The following UMAD1 variants were observed in gnomAD, a reference collection of about 807,000 sequenced individuals.
UMAD1 encodes UBAP1-MVB12-associated (UMA) domain containing 1.
UMAD1 carries 8 observed loss-of-function variants against 6.1 expected under a neutral mutation model. The ratio of observed to expected loss-of-function variants is 1.30; its 90% CI spans 0.76 to 2.35. The LOEUF is 2.35. Ranked by LOEUF, UMAD1 falls within the 30% of genes most tolerant of loss-of-function variation. The pLI is 0.00. For synonymous variants in UMAD1, 56 were observed against 31.4 expected, an observed-to-expected ratio of 1.78 and a Z score of -2.61; for missense variants, 130 against 78.4, an observed-to-expected ratio of 1.66 and a Z score of -2.49.
At chr7:7,643,119 T>C (rs1785012776) in intron 1 of UMAD1, among the ~76,000 whole-genome samples, 1 of 152,162 alleles carries the variant, frequency 6.6e-6, no homozygotes, top group Non-Finnish European at 1.5e-5. Context: ...TTTGCTTCTC[T>C]AAAAATGATA....
At chr7:7,694,739 A>C (rs1443782203) in intron 2 of UMAD1, among the ~76,000 whole-genome samples, 1 of 152,192 alleles carries the variant, frequency 6.6e-6, no homozygotes, top group Non-Finnish European at 1.5e-5. Flanking sequence ...ATGGCTGAAT[A>C]GTACTCCATT....
At chr7:7,703,148 A>T (rs1309450081) in intron 2 of UMAD1, among the ~76,000 whole-genome samples, 5 of 152,102 alleles carry the variant, frequency 3.3e-5, no homozygotes, top group Non-Finnish European at 1.5e-5. Flanking sequence ...AGTTTATTTT[A>T]TTTGCCGAAA....
At chr7:7,650,418 C>T (rs114841616) in intron 1 of UMAD1, among the ~76,000 whole-genome samples, 2,800 of 152,194 alleles carry the variant, frequency 0.018, 86 homozygotes, top group African/African-American at 0.064. Flanking sequence ...TTAATTTCTT[C>T]CAAAACTAAT....
At chr7:7,654,362 G>A (rs1330364941) in intron 1 of UMAD1, among the ~76,000 whole-genome samples, 2 of 152,186 alleles carry the variant, frequency 1.3e-5, no homozygotes, top group Non-Finnish European at 1.5e-5. Context: ...ATTTTCTTAG[G>A]TGAAGTTGTT....
At chr7:7,828,391 A>G (rs62434490) in intron 3 of UMAD1, among the ~76,000 whole-genome samples, 43,313 of 152,172 alleles carry the variant, frequency 0.28, 6,318 homozygotes, top group East Asian at 0.39. Flanking sequence ...TACTCAGGTC[A>G]CATACCTAAT....
chr7:7,751,195 G>T (rs748749366), intron 2 of UMAD1, among the ~76,000 whole-genome samples: 7 of 152,142 alleles, frequency 4.6e-5, no homozygotes, highest in African/African-American at 1.7e-4. Flanking sequence ...GAGCTCTGTC[G>T]TTGACTATAT....
At chr7:7,811,787 C>G (rs1783026365) in intron 3 of UMAD1, among the ~76,000 whole-genome samples, 1 of 152,164 alleles carries the variant, frequency 6.6e-6, no homozygotes, top group South Asian at 2.1e-4. Context: ...ATGGTCCTTG[C>G]AGGTAAATTG....
At chr7:7,741,842 T>G (rs1464905729) in intron 2 of UMAD1, 1 of 196,684 alleles carries the variant, frequency 5.1e-6, no homozygotes, top group Admixed American at 5.4e-5. Context: ...TTAAGTCAAC[T>G]TATTAAAAAT....
chr7:7,716,579 C>A (rs1431786852), intron 2 of UMAD1, among the ~76,000 whole-genome samples: 1 of 152,292 alleles, frequency 6.6e-6, no homozygotes, highest in South Asian at 2.1e-4. Flanking sequence ...TTTGTCACCA[C>A]GTGCACAGTA....
chr7:7,708,762 C>T (rs562955484), intron 2 of UMAD1, among the ~76,000 whole-genome samples: 15 of 152,242 alleles, frequency 9.9e-5, no homozygotes, highest in African/African-American at 3.1e-4. Flanking sequence ...ACAGACCCAG[C>T]TTTTCAACAG....
chr7:7,710,194 A>G (rs1276290564), intron 2 of UMAD1, among the ~76,000 whole-genome samples: 1 of 152,184 alleles, frequency 6.6e-6, no homozygotes, highest in Admixed American at 6.5e-5. Flanking sequence ...TCTGATGATG[A>G]ACATTTGGGG....
At chr7:7,840,637 A>C (rs961826445) in intron 3 of UMAD1, among the ~76,000 whole-genome samples, 10 of 152,162 alleles carry the variant, frequency 6.6e-5, no homozygotes, top group African/African-American at 2.4e-4. Context: ...TATAGTGTGC[A>C]CTCAATTAAT....
intron 3 of UMAD1, among the ~76,000 whole-genome samples, chr7:7,825,187 C>T (rs12702662): frequency 0.014 from 2,100 of 152,196 alleles, 15 homozygotes; most frequent in African/African-American, 0.016. Flanking sequence ...GAAAACTTTT[C>T]TATTAATATC....
chr7:7,824,716 C>G (rs762206810), intron 3 of UMAD1, among the ~76,000 whole-genome samples: 1 of 152,134 alleles, frequency 6.6e-6, no homozygotes, highest in Non-Finnish European at 1.5e-5. Context: ...CTATCTAGTA[C>G]TAACCCACAA....
intron 3 of UMAD1, among the ~76,000 whole-genome samples, chr7:7,807,171 G>A (rs975148096): frequency 1.3e-5 from 2 of 152,076 alleles, no homozygotes; most frequent in African/African-American, 2.4e-5. Flanking sequence ...AGTTCCTTAC[G>A]CGTCATAACT....
rs1389234127 is a variant in UMAD1 at position 7,877,791 on chromosome 7, C to T, written c.*253C>T. 8 of 431,076 alleles carry T rather than the reference C, an allele frequency of 1.9e-5. No individual in the cohort carries two copies. The highest frequency in any genetic ancestry group is 3.9e-5 in the Admixed American group (1 of 25,582). 26.7% of individuals were successfully genotyped at this position (431,076 alleles called of 1,614,324 possible). A position where few individuals can be genotyped will look rare whatever the true frequency, so the allele number is the denominator to read the frequency against. On this transcript the variant is annotated 3_prime_UTR_variant, in exon 4 of 4. Coordinates refer to ENST00000682710, the MANE Select transcript of UMAD1 (RefSeq NM_001302348.2). Reference sequence around the variant, plus strand: ...GCTATGAAGGTTTTAGGAAAGGACTCGATTCCTTCAGATGGTCTCTCAAAA... The same window carrying T: ...GCTATGAAGGTTTTAGGAAAGGACTTGATTCCTTCAGATGGTCTCTCAAAA...
At position 7,788,687 on chromosome 7, in the gene UMAD1, C is replaced by G. The variant is rs560827387; in HGVS notation, c.83-12983C>G. ...CTGTGATTTCTGCAGGAAGCAAAGC[C>G]AGCAGTCAGGTAAAGGGGTTGGGGA... On this transcript the variant is annotated intron_variant, in intron 2 of 3. Transcript: ENST00000682710. Among the ~76,000 whole-genome samples, 207 of 146,376 alleles carry G rather than the reference C, an allele frequency of 1.4e-3. 1 individual carries two copies. Among genetic ancestry groups the G allele is most frequent in the Non-Finnish European group, 7.4e-5 (5 of 67,288 alleles).
chr7:7,708,373 G>T (rs1318185129), intron 2 of UMAD1, among the ~76,000 whole-genome samples: 1 of 152,252 alleles, frequency 6.6e-6, no homozygotes, highest in South Asian at 2.1e-4. Flanking sequence ...CTTTAGTTTT[G>T]TAGAGAGATA....
At chr7:7,656,113 G>A (rs936121555) in intron 1 of UMAD1, among the ~76,000 whole-genome samples, 1 of 152,066 alleles carries the variant, frequency 6.6e-6, no homozygotes, top group African/African-American at 2.4e-5. Flanking sequence ...GAGATTACAG[G>A]CATGAGCCAC....
Sources: allele counts gnomAD v4.1 joint callset (sites outside exome capture counted in the v4.1 genomes callset), GRCh38; gene constraint gnomAD v4.1.1; transcripts MANE v1.5; gene names NCBI Gene and HGNC (gene_info 2026-07-23, HGNC 2026-07-21).